The following IDNK variants were observed in gnomAD, a reference collection of about 807,000 sequenced individuals.
IDNK encodes the protein IDNK gluconokinase.
In IDNK, 9 loss-of-function variants were observed where a neutral mutation model predicts 13.0. The ratio of observed to expected loss-of-function variants is 0.69; its 90% CI spans 0.42 to 1.21. IDNK has a LOEUF of 1.21. Among genes scored for constraint, IDNK ranks in the 50% most tolerant of loss-of-function variants. IDNK has a pLI of 0.00. For missense variants in IDNK, 210 were observed against 237.8 expected, an observed-to-expected ratio of 0.88 and a Z score of 0.77; for synonymous variants, 92 against 94.9, an observed-to-expected ratio of 0.97 and a Z score of 0.18.
Position 83,642,360 on chromosome 9 carries a change from T to C in IDNK, c.212+769T>C, listed in dbSNP as rs1410806250. ...TTTGCTTTTTTCACACCCGTTGACA[T>C]GGCTGGCAGCCCTGTCTTTGCATGG... On this transcript the variant is annotated intron_variant, in intron 4 of 4. Coordinates refer to ENST00000376419, the MANE Select transcript of IDNK (RefSeq NM_001001551.4). Among the ~76,000 whole-genome samples the C allele has an allele frequency of 3.9e-5, 6 of 152,302 alleles. No individual in the cohort carries two copies. The East Asian group carries it at 9.6e-4, about 24-fold the overall frequency.
intron 3 of IDNK, among the ~76,000 whole-genome samples, chr9:83,630,013 G>A (rs887899631): frequency 3.9e-5 from 6 of 152,258 alleles, no homozygotes; most frequent in Non-Finnish European, 8.8e-5. Flanking sequence ...CTGGGGCCAC[G>A]CACTAAGTGT....
At chr9:83,634,011 G>T (rs978974704) in intron 3 of IDNK, among the ~76,000 whole-genome samples, 1 of 152,296 alleles carries the variant, frequency 6.6e-6, no homozygotes, top group African/African-American at 2.4e-5. Flanking sequence ...CTTAAAGGGT[G>T]GTCATGACGG....
rs535713797 is a variant in IDNK, at chr9:83,633,052, C to T, written c.168+4093C>T. Among the ~76,000 whole-genome samples, 56 of 152,340 alleles carry T rather than the reference C, an allele frequency of 3.7e-4. 1 individual carries two copies. In the South Asian group the frequency reaches 5.6e-3, roughly 15 times the overall value. On this transcript the variant is annotated intron_variant, in intron 3 of 4. Transcript: ENST00000376419. The stretch of plus-strand genomic sequence containing the variant: ...CTTTCCAAGGCCTGATCAAGATTGG[C>T]CTGTCCTCCAGGCGCAGTGGCTCAC...
intron 4 of IDNK, 47 bp downstream of exon 4, chr9:83,641,638 G>C (rs1831312613): frequency 3.2e-6 from 5 of 1,586,864 alleles, no homozygotes; most frequent in Non-Finnish European, 4.3e-6. Flanking sequence ...AGCAGGTAAA[G>C]AAAACCCTCA....
chr9:83,627,742 TGA>T (rs577527463), intron 1 of IDNK, among the ~76,000 whole-genome samples: 2 of 151,784 alleles, frequency 1.3e-5, no homozygotes, highest in South Asian at 2.1e-4. Context: ...TATGCTTTTA[TGA>T]GTGTCCTGAA....
chr9:83,639,298 G>C (rs1307024639), intron 3 of IDNK, among the ~76,000 whole-genome samples: 1 of 152,160 alleles, frequency 6.6e-6, no homozygotes, highest in African/African-American at 2.4e-5. Context: ...GTGGGATGCA[G>C]TTACAACATT....
At chr9:83,627,627 G>A (rs146134370) in intron 1 of IDNK, among the ~76,000 whole-genome samples, 18 of 152,272 alleles carry the variant, frequency 1.2e-4, no homozygotes, top group African/African-American at 4.3e-4. Flanking sequence ...GCTCTACACA[G>A]AGAACATTTA....
rs1830748965 is a variant in IDNK, at chr9:83,623,230, G to C, written c.50+9G>C. On this transcript the variant is annotated intron_variant, in intron 1 of 4. Coordinates refer to ENST00000376419, the MANE Select transcript of IDNK (RefSeq NM_001001551.4). ...GTGAGCGGCTCGGGGAAGTAGGTCC[G>C]GGAGAGGGCGGGGGGCGCCCGGGAC... The C allele has an allele frequency of 1.4e-6, 2 of 1,394,398 alleles. No individual in the cohort carries two copies. The highest frequency in any genetic ancestry group is 1.9e-6 in the Non-Finnish European group (2 of 1,077,250). The allele number at this position is 1,394,398 out of a possible 1,614,324, so 86.4% of individuals were successfully genotyped here. A position where few individuals can be genotyped will look rare whatever the true frequency, so the allele number is the denominator to read the frequency against.
chr9:83,631,693 C>G (rs1421390260), intron 3 of IDNK, among the ~76,000 whole-genome samples: 1 of 152,042 alleles, frequency 6.6e-6, no homozygotes, highest in South Asian at 2.1e-4. Context: ...GTCAAAAGCT[C>G]AGTAGCCATG....
At chr9:83,626,830 A>G in intron 1 of IDNK, 2 of 1,112,722 alleles carry the variant, frequency 1.8e-6, no homozygotes, top group Non-Finnish European at 2.2e-6. Context: ...CGCAGCCTTC[A>G]ATAGAATGAA....
At chr9:83,623,325 C>G in intron 1 of IDNK, 104 bp downstream of exon 1, 1 of 1,047,730 alleles carries the variant, frequency 9.5e-7, no homozygotes, top group Non-Finnish European at 1.3e-6. Context: ...CTTGGGGACC[C>G]CCCACCCTTC....
rs570202646 is a variant in IDNK at position 83,624,059 on chromosome 9, T to C, written c.50+838T>C. Among the ~76,000 whole-genome samples, 7 of 152,330 alleles carry C rather than the reference T, an allele frequency of 4.6e-5. No homozygotes were observed. The East Asian group carries it at 1.2e-3, about 25-fold the overall frequency. On this transcript the variant is annotated intron_variant, in intron 1 of 4. Transcript: ENST00000376419. The stretch of plus-strand genomic sequence containing the variant: ...TGTGGCCTGTGTAGTCAGGTGTATA[T>C]TAAAGATTTACTCCAGGTAGATGGG...
intron 3 of IDNK, among the ~76,000 whole-genome samples, chr9:83,633,938 G>A (rs993018917): frequency 1.3e-5 from 2 of 152,134 alleles, no homozygotes; most frequent in Non-Finnish European, 2.9e-5. Flanking sequence ...GGAATGAGAG[G>A]GGCAGTTCCC....
chr9:83,643,826 T>C lies in IDNK; in HGVS notation c.*46T>C, dbSNP rs745948078. The stretch of plus-strand genomic sequence containing the variant: ...TCCAAACAGAACTAAGCATAAATCA[T>C]TGTGCCATCCCAAACCTCGTTCCAG... On this transcript the variant is annotated 3_prime_UTR_variant, in exon 5 of 5. Coordinates refer to ENST00000376419, the MANE Select transcript of IDNK (RefSeq NM_001001551.4). 6 of 1,443,158 alleles carry C rather than the reference T, an allele frequency of 4.2e-6. No individual in the cohort carries two copies. Among genetic ancestry groups the C allele is most frequent in the South Asian group, 1.2e-5 (1 of 80,700 alleles). The allele number at this position is 1,443,158 out of a possible 1,614,324, so 89.4% of individuals were successfully genotyped here.
At chr9:83,633,691 C>T (rs544388290) in intron 3 of IDNK, among the ~76,000 whole-genome samples, 1 of 152,314 alleles carries the variant, frequency 6.6e-6, no homozygotes, top group South Asian at 2.1e-4. Context: ...CCCAGAGCAG[C>T]TCAATGAATT....
intron 1 of IDNK, 124 bp downstream of exon 1, chr9:83,623,345 A>G: frequency 2.1e-6 from 2 of 953,422 alleles, no homozygotes; most frequent in Non-Finnish European, 3.0e-6. Context: ...CCCTTTGCAG[A>G]TGAAGAAACC....
At chr9:83,640,042 G>GC (rs576153551) in intron 3 of IDNK, among the ~76,000 whole-genome samples, 342 of 152,284 alleles carry the variant, frequency 2.2e-3, no homozygotes, top group African/African-American at 8.0e-3. Context: ...GATGGGAAGG[G>GC]CAGGGATGGT....
At chr9:83,637,389 G>A (rs1037713133) in intron 3 of IDNK, among the ~76,000 whole-genome samples, 3 of 152,192 alleles carry the variant, frequency 2.0e-5, no homozygotes, top group African/African-American at 7.2e-5. Flanking sequence ...GTGGATCCAG[G>A]TAACTAGAGG....
chr9:83,624,880 A>AT (rs1830806803), intron 1 of IDNK, among the ~76,000 whole-genome samples: 1 of 152,014 alleles, frequency 6.6e-6, no homozygotes, highest in East Asian at 1.9e-4. Flanking sequence ...TGCACAGCTA[A>AT]TTTTTTGTAT....
Sources: gnomAD v4.1 joint callset for allele counts (sites outside exome capture counted in the v4.1 genomes callset) on GRCh38, gnomAD v4.1.1 for gene constraint, MANE v1.5 for transcripts, NCBI Gene and HGNC (gene_info 2026-07-23, HGNC 2026-07-21) for gene names.